The following R3HDML variants were observed in gnomAD, a reference collection of about 807,000 sequenced individuals.
R3HDML encodes the protein peptidase inhibitor R3HDML.
Under a neutral mutation model 24.2 loss-of-function variants are expected in R3HDML, and 21 were observed. The ratio of observed to expected loss-of-function variants is 0.87; its 90% CI spans 0.62 to 1.25. The LOEUF is 1.25. R3HDML is among the 50% of genes most tolerant of loss of function. R3HDML has a pLI of 0.00. For synonymous variants in R3HDML, 133 were observed against 131.5 expected (o/e 1.01, Z -0.08); for missense variants, 301 against 340.3 (o/e 0.88, Z 0.91).
At chr20:44,349,423 C>T (rs996353488) in intron 4 of R3HDML, among the ~76,000 whole-genome samples, 2 of 152,132 alleles carry the variant, frequency 1.3e-5, no homozygotes, top group Non-Finnish European at 2.9e-5. Context: ...CTCTCCCCGC[C>T]CCCAAACTTC....
At chr20:44,343,787 C>G (rs2062778634) in intron 3 of R3HDML, among the ~76,000 whole-genome samples, 1 of 147,002 alleles carries the variant, frequency 6.8e-6, no homozygotes, top group African/African-American at 2.5e-5. Flanking sequence ...CCTCTACCTC[C>G]CAGGTTCAAG....
intron 3 of R3HDML, among the ~76,000 whole-genome samples, 158 bp from the exon 4 acceptor site, chr20:44,345,105 T>C (rs902931770): frequency 6.6e-6 from 1 of 152,202 alleles, no homozygotes; most frequent in Non-Finnish European, 1.5e-5. Flanking sequence ...AGAAACATCA[T>C]GTTACAATAT....
chr20:44,350,264 A>G (rs969348881), intron 4 of R3HDML, among the ~76,000 whole-genome samples: 1 of 152,076 alleles, frequency 6.6e-6, no homozygotes, highest in South Asian at 2.1e-4. Flanking sequence ...CTGTAATCTC[A>G]GCACTTTGGG....
At chr20:44,348,619 G>A (rs1020634535) in intron 4 of R3HDML, among the ~76,000 whole-genome samples, 3 of 152,008 alleles carry the variant, frequency 2.0e-5, no homozygotes, top group Non-Finnish European at 4.4e-5. Context: ...TCACACCACA[G>A]CCTCCCCAGT....
chr20:44,343,637 C>A, intron 3 of R3HDML, 128 bp downstream of exon 3: 2 of 948,216 alleles, frequency 2.1e-6, no homozygotes, highest in Non-Finnish European at 3.0e-6. Context: ...ACCAAAGAGG[C>A]ATATTCCTGG....
intron 2 of R3HDML, 135 bp from the exon 3 acceptor site, chr20:44,343,242 C>A: frequency 9.2e-7 from 1 of 1,081,426 alleles, no homozygotes; most frequent in Non-Finnish European, 1.4e-6. Flanking sequence ...AGGGCCACTG[C>A]CCTCATGCTC....
Position 44,343,526 on chromosome 20 carries a change from G to T in R3HDML, c.513+17G>T. On this transcript the variant is annotated intron_variant, in intron 3 of 4. Transcript: ENST00000217043. The stretch of plus-strand genomic sequence containing the variant: ...TATACCCAGGTACTCCTCCGTCAGG[G>T]CTGAGGGCCCCTGGGATAACACATC... 5 of 1,581,074 alleles carry T rather than the reference G, an allele frequency of 3.2e-6. No homozygotes were observed. The highest frequency in any genetic ancestry group is 4.3e-6 in the Non-Finnish European group (5 of 1,164,384).
At chr20:44,341,112 C>A in intron 1 of R3HDML, 84 bp from the exon 2 acceptor site, 1 of 1,133,362 alleles carries the variant, frequency 8.8e-7, no homozygotes, top group Non-Finnish European at 1.3e-6. Flanking sequence ...GTAGAAACGG[C>A]ACCAGGTAAA....
rs369678042 is a variant in R3HDML at position 44,350,683 on chromosome 20, C to T, written c.653C>T (p.Pro218Leu). Residue 218 changes from proline to leucine, a missense_variant, in exon 5 of 5, where the codon CCG (proline) becomes CTG (leucine). Physicochemically the swap from Pro to Leu is moderately conservative, Grantham distance 98. Coordinates refer to ENST00000217043, the MANE Select transcript of R3HDML (RefSeq NM_178491.4). ...AIKGNWIGES[P>L]YKMGKPCSSC... ...AGGGGCAACTGGATTGGCGAGTCCCCGTACAAGATGGGAAAGCCGTGCTCC... is the reference window on the plus strand; with the variant it reads ...AGGGGCAACTGGATTGGCGAGTCCCTGTACAAGATGGGAAAGCCGTGCTCC... 45 of 1,613,660 alleles carry T rather than the reference C, an allele frequency of 2.8e-5. No homozygotes were observed. The highest frequency in any genetic ancestry group is 2.2e-4 in the East Asian group (10 of 44,858).
intron 4 of R3HDML, among the ~76,000 whole-genome samples, chr20:44,346,277 A>C (rs545910170): frequency 6.6e-6 from 1 of 152,018 alleles, no homozygotes; most frequent in African/African-American, 2.4e-5. Context: ...GAATGCCACC[A>C]TGCCTCGCTA....
At chr20:44,350,151 A>G (rs1396048517) in intron 4 of R3HDML, among the ~76,000 whole-genome samples, 1 of 152,146 alleles carries the variant, frequency 6.6e-6, no homozygotes, top group Non-Finnish European at 1.5e-5. Flanking sequence ...CTAGGTGCAT[A>G]CATACATGTG....
chr20:44,341,116 A>G, intron 1 of R3HDML, 80 bp from the exon 2 acceptor site: 2 of 1,163,390 alleles, frequency 1.7e-6, no homozygotes, highest in African/African-American at 1.5e-5. Context: ...AAACGGCACC[A>G]GGTAAATGTG....
intron 1 of R3HDML, among the ~76,000 whole-genome samples, chr20:44,340,932 C>T (rs774682946): frequency 1.3e-5 from 2 of 152,216 alleles, no homozygotes; most frequent in South Asian, 2.1e-4. Flanking sequence ...AACTCCTGTA[C>T]GAACACCCTG....
intron 3 of R3HDML, among the ~76,000 whole-genome samples, chr20:44,343,978 C>T (rs1043349508): frequency 2.0e-5 from 3 of 152,012 alleles, no homozygotes; most frequent in African/African-American, 7.2e-5. Context: ...TTTCTAAAAA[C>T]CTTTCTAAAA....
At position 44,350,813 on chromosome 20, in the gene R3HDML, C is replaced by T. The variant is rs769988342; in HGVS notation, c.*21C>T. The T allele has an allele frequency of 1.1e-4, 176 of 1,612,938 alleles. 1 individual carries two copies. The highest frequency in any genetic ancestry group is 9.9e-4 in the Middle Eastern group (6 of 6,078). ...TCTGAATTTTCTCTGGGCTTTGGTGCGCCTCCAGCTGGGCCTGACCCTCCA... is the reference window on the plus strand; with the variant it reads ...TCTGAATTTTCTCTGGGCTTTGGTGTGCCTCCAGCTGGGCCTGACCCTCCA... On this transcript the variant is annotated 3_prime_UTR_variant, in exon 5 of 5. Transcript: ENST00000217043.
chr20:44,350,684 G>A lies in R3HDML; in HGVS notation c.654G>A (p.Pro218=), dbSNP rs199550706. 72 of 1,613,740 alleles carry A rather than the reference G, an allele frequency of 4.5e-5. No individual in the cohort carries two copies. The highest frequency in any genetic ancestry group is 3.6e-4 in the East Asian group (16 of 44,850). Residue 218 remains proline, a synonymous_variant, in exon 5 of 5, where the codon CCG becomes CCA. Transcript: ENST00000217043. ...GGGGCAACTGGATTGGCGAGTCCCC[G>A]TACAAGATGGGAAAGCCGTGCTCCT... The part of the protein sequence containing the change: ...AIKGNWIGES[P]YKMGKPCSSC...
In R3HDML at chr20:44,337,196, G is replaced by A. The variant is rs771315328; in HGVS notation, c.39G>A (p.Leu13=). The change falls in exon 1 of 5, where the codon CTG becomes CTA. Residue 13 remains leucine (L), a synonymous_variant. Coordinates refer to ENST00000217043, the MANE Select transcript of R3HDML (RefSeq NM_178491.4). This position sits in a 1 kb window ranked among gnomAD's most constrained non-coding sequence, Gnocchi z 4.7. ...LLPSTVGLAG[L]LFWAGQAVNA... ...CCAGCACCGTGGGCCTGGCAGGCCT[G>A]CTCTTCTGGGCTGGCCAGGCAGTGA... 3 of 1,613,552 alleles carry A rather than the reference G, an allele frequency of 1.9e-6. No individual in the cohort carries two copies. Among genetic ancestry groups the A allele is most frequent in the Admixed American group, 1.7e-5 (1 of 60,036 alleles).
intron 3 of R3HDML, 87 bp from the exon 4 acceptor site, chr20:44,345,176 C>A: frequency 1.0e-6 from 1 of 1,001,608 alleles, no homozygotes; most frequent in South Asian, 1.3e-5. Context: ...CCCAGGAAGA[C>A]CTCACCTAAT....
At chr20:44,345,813 TTTTC>T (rs1325807678) in intron 4 of R3HDML, among the ~76,000 whole-genome samples, 3 of 150,160 alleles carry the variant, frequency 2.0e-5, no homozygotes, top group East Asian at 1.9e-4. Flanking sequence ...ATAATCCATT[TTTTC>T]TTTCTTTCTT....
Sources: allele counts gnomAD v4.1 joint callset (sites outside exome capture counted in the v4.1 genomes callset), GRCh38; gene constraint gnomAD v4.1.1; non-coding constraint Gnocchi (gnomAD v3.1); transcripts MANE v1.5; gene names NCBI Gene and HGNC (gene_info 2026-07-23, HGNC 2026-07-21).